The following TOPBP1 variants were observed in gnomAD, a reference collection of about 807,000 sequenced individuals.
The protein encoded by TOPBP1 is DNA topoisomerase 2-binding protein 1.
In TOPBP1, 28 loss-of-function variants were observed where a neutral mutation model predicts 167.7. The observed-to-expected ratio is 0.17, with a 90% CI of 0.12 to 0.23. The LOEUF (loss-of-function observed/expected upper bound fraction) is 0.23. Ranked by LOEUF, TOPBP1 falls within the 10% of genes least tolerant of loss-of-function variation. The pLI, the probability that TOPBP1 is intolerant of heterozygous loss-of-function variation, is 1.00. For missense variants in TOPBP1, 1,554 were observed against 1,809.6 expected (o/e 0.86, Z 2.56); for synonymous variants, 598 against 611.4 (o/e 0.98, Z 0.32).
rs1370048456 is a variant in TOPBP1, at chr3:133,659,157, G to GA, written c.85-8dup. 1.9e-6 allele frequency: 3 copies of GA among 1,545,108 alleles called. No individual in the cohort carries two copies. Among genetic ancestry groups the GA allele is most frequent in the Non-Finnish European group, 2.6e-6 (3 of 1,149,436 alleles). ...ATTGGAATTCTTTTATGGACTGAAAGAAAAAATAAAATAAGAATGTACCTG... is the reference window on the plus strand; with the variant it reads ...ATTGGAATTCTTTTATGGACTGAAAGAAAAAAATAAAATAAGAATGTACCTG... On this transcript the variant is annotated splice_polypyrimidine_tract_variant and splice_region_variant and intron_variant, in intron 2 of 27. Coordinates refer to ENST00000260810, the MANE Select transcript of TOPBP1 (RefSeq NM_007027.4).
At chr3:133,626,456 C>A (rs955544853) in intron 16 of TOPBP1, among the ~76,000 whole-genome samples, 3 of 152,136 alleles carry the variant, frequency 2.0e-5, no homozygotes, top group African/African-American at 7.2e-5. Context: ...ATTCTAATGT[C>A]CCGACAAATT....
At chr3:133,649,982 T>C in intron 8 of TOPBP1, 39 bp from the exon 9 acceptor site, 1 of 1,461,722 alleles carries the variant, frequency 6.8e-7, no homozygotes, top group African/African-American at 1.4e-5. Context: ...TAACATGCTT[T>C]CTCTCAATAG....
At chr3:133,639,237 T>C (rs1340866692) in intron 13 of TOPBP1, among the ~76,000 whole-genome samples, 1 of 152,106 alleles carries the variant, frequency 6.6e-6, no homozygotes, top group Admixed American at 6.5e-5. Flanking sequence ...ATAGACTGGA[T>C]TAAGAAAATG....
intron 13 of TOPBP1, 29 bp from the exon 14 acceptor site, chr3:133,638,191 T>TA (rs2107806999): frequency 6.2e-7 from 1 of 1,601,622 alleles, no homozygotes; most frequent in Admixed American, 1.7e-5. Flanking sequence ...AAGAAACAAA[T>TA]ATGAGCCACT....
In TOPBP1 at chr3:133,640,006, T is replaced by C. The variant is rs1421029653; in HGVS notation, c.2186A>G (p.Lys729Arg). The C allele has an allele frequency of 6.2e-7, 1 of 1,613,942 alleles. No homozygotes were observed. The highest frequency in any genetic ancestry group is 2.2e-5 in the East Asian group (1 of 44,878). The change falls in exon 13 of 28, where the codon AAG (lysine) becomes AGG (arginine). Residue 729 changes from lysine (K) to arginine (R), a missense_variant. Around this residue, in one of 3 missense-constraint regions of TOPBP1, gnomAD observed 1,197 missense variants for 1,351.5 expected, o/e 0.89. Coordinates refer to ENST00000260810, the MANE Select transcript of TOPBP1 (RefSeq NM_007027.4). ...CAGAAAATGGCTTTCGTCTGCTCTC[T>C]TTCCCGTTCTAGCAGTCTCCAACAG... ...AWLLETARTG[K>R]RADESHFLIE... is the part of the protein sequence containing the mutation.
At chr3:133,616,397 C>T (rs1323571316) in intron 23 of TOPBP1, among the ~76,000 whole-genome samples, 1 of 152,190 alleles carries the variant, frequency 6.6e-6, no homozygotes, top group Non-Finnish European at 1.5e-5. Flanking sequence ...GCTGAGATTA[C>T]AGGCACGAGC....
intron 13 of TOPBP1, among the ~76,000 whole-genome samples, chr3:133,639,045 C>T (rs910140707): frequency 6.6e-6 from 1 of 152,196 alleles, no homozygotes; most frequent in African/African-American, 2.4e-5. Context: ...CTTCCCAAGA[C>T]AGTGTGGCGA....
intron 6 of TOPBP1, among the ~76,000 whole-genome samples, chr3:133,654,376 C>G (rs190689536): frequency 6.6e-6 from 1 of 152,232 alleles, no homozygotes; most frequent in African/African-American, 2.4e-5. Flanking sequence ...TATTTTGAAG[C>G]AGTATCACAG....
Position 133,649,785 on chromosome 3 carries a change from G to A in TOPBP1, c.1248C>T (p.Ala416=), listed in dbSNP as rs746580832. 4 of 1,592,132 alleles carry A rather than the reference G, an allele frequency of 2.5e-6. No homozygotes were observed. The South Asian group carries it at 3.5e-5, about 14-fold the overall frequency. ...GAATTAAAAACGAAAAAAACCTGTG[G>A]GCTGATTTATTCCAAAACTGCTTCA... ...DELKQFWNKS[A]HRPHVVGAKW... is the part of the protein sequence containing the mutation. The change falls in exon 9 of 28, where the codon GCC becomes GCT. Residue 416 remains alanine, a synonymous_variant. Transcript: ENST00000260810.
At chr3:133,648,300 A>G (rs1354145033) in intron 10 of TOPBP1, among the ~76,000 whole-genome samples, 1 of 152,268 alleles carries the variant, frequency 6.6e-6, no homozygotes, top group African/African-American at 2.4e-5. Context: ...AAATGATTCC[A>G]AAAGAGAGGT....
chr3:133,623,958 C>A, intron 17 of TOPBP1, 94 bp downstream of exon 17: 2 of 1,427,114 alleles, frequency 1.4e-6, no homozygotes, highest in South Asian at 1.5e-5. Context: ...CTTCTAGTTC[C>A]ATTGAGAGTG....
intron 23 of TOPBP1, 116 bp downstream of exon 23, chr3:133,616,698 C>T: frequency 3.5e-6 from 2 of 566,302 alleles, no homozygotes; most frequent in African/African-American, 2.0e-5. Flanking sequence ...AGACAAGTTA[C>T]CCATGTTCTT....
intron 21 of TOPBP1, 147 bp from the exon 22 acceptor site, chr3:133,617,473 C>G: frequency 1.2e-6 from 1 of 800,508 alleles, no homozygotes; most frequent in Non-Finnish European, 1.8e-6. Context: ...TATCCTATCC[C>G]CAGAACTTAT....
chr3:133,649,939 T>C lies in TOPBP1; in HGVS notation c.1094A>G (p.Tyr365Cys). Residue 365 changes from tyrosine (Y) to cysteine (C), a missense_variant, in exon 9 of 28, where the codon TAT (tyrosine) becomes TGT (cysteine). Physicochemically the swap from Tyr to Cys is radical, Grantham distance 194. Around this residue, in one of 3 missense-constraint regions of TOPBP1, gnomAD observed 1,197 missense variants for 1,351.5 expected, o/e 0.89. Coordinates refer to ENST00000260810, the MANE Select transcript of TOPBP1 (RefSeq NM_007027.4). ...CTTTCTGCCACTAAAACCGCAAAGA[T>C]ATATCTGCAAGAAAGAAAATATTTA... ...PEDLLDGCRIYLCGFSGRKLD... is the reference protein window; with the variant it reads ...PEDLLDGCRICLCGFSGRKLD... 1 of 1,578,562 alleles carries C rather than the reference T, an allele frequency of 6.3e-7. No homozygotes were observed. The highest frequency in any genetic ancestry group is 8.6e-7 in the Non-Finnish European group (1 of 1,167,824).
At chr3:133,615,706 T>A (rs1044335480) in intron 23 of TOPBP1, among the ~76,000 whole-genome samples, 6 of 152,186 alleles carry the variant, frequency 3.9e-5, no homozygotes, top group Non-Finnish European at 8.8e-5. Flanking sequence ...AAAAAAAAAC[T>A]CACTGATATT....
In TOPBP1 at chr3:133,631,976, G is replaced by A. The variant is rs373423715; in HGVS notation, c.2521-3243C>T. 5.9e-5 allele frequency among the ~76,000 whole-genome samples: 9 copies of A among 151,896 alleles called. 1 individual carries two copies. Among genetic ancestry groups the A allele is most frequent in the Admixed American group, 6.6e-5 (1 of 15,262 alleles). On this transcript the variant is annotated intron_variant, in intron 14 of 27. Transcript: ENST00000260810. ...TTAAAAGTGTGTGGCATCTCCCCCC[G>A]CTATCTTTTCCTCCTTCTCCAGCCA...
Position 133,600,896 on chromosome 3 carries a change from G to A in TOPBP1, c.*354C>T, listed in dbSNP as rs1016150603. The A allele has an allele frequency of 1.2e-5, 2 of 161,346 alleles. No individual in the cohort carries two copies. The highest frequency in any genetic ancestry group is 4.8e-5 in the African/African-American group (2 of 41,566). 10.0% of individuals were successfully genotyped at this position (161,346 alleles called of 1,614,324 possible). ...AAATCTTGTTGTTATGAATTTGTAA[G>A]GCAGACATTTTAAAGCAAAATCCAT... On this transcript the variant is annotated 3_prime_UTR_variant, in exon 28 of 28. Coordinates refer to ENST00000260810, the MANE Select transcript of TOPBP1 (RefSeq NM_007027.4).
intron 12 of TOPBP1, among the ~76,000 whole-genome samples, chr3:133,640,676 T>C (rs1684905653): frequency 6.6e-6 from 1 of 152,072 alleles, no homozygotes. Context: ...CTCCTAAAGT[T>C]GGGATTACAG....
At chr3:133,607,052 T>G (rs780426739) in intron 27 of TOPBP1, among the ~76,000 whole-genome samples, 5 of 152,144 alleles carry the variant, frequency 3.3e-5, no homozygotes, top group Non-Finnish European at 7.4e-5. Context: ...GCTCCCACTA[T>G]AAACCTACCG....
Sources: gnomAD v4.1 joint callset for allele counts (sites outside exome capture counted in the v4.1 genomes callset) on GRCh38, gnomAD v4.1.1 for gene constraint, gnomAD v4.1.1 regional missense constraint, MANE v1.5 for transcripts, NCBI Gene and HGNC (gene_info 2026-07-23, HGNC 2026-07-21) for gene names.